GPM6A: variants seen among roughly 807,000 people sequenced by gnomAD.
GPM6A encodes the protein neuronal membrane glycoprotein M6-a.
In GPM6A, 7 loss-of-function variants were observed where a neutral mutation model predicts 32.1. The observed-to-expected ratio is 0.22, with a 90% CI of 0.12 to 0.41. The LOEUF is 0.41. Ranked by LOEUF, GPM6A falls within the 10% of genes least tolerant of loss-of-function variation. GPM6A has a pLI of 1.00. For missense variants in GPM6A, 235 were observed against 347.2 expected (o/e 0.68, Z 2.57); for synonymous variants, 130 against 123.4 (o/e 1.05, Z -0.35).
At chr4:175,936,679 T>C (rs1344208997) in intron 1 of GPM6A, among the ~76,000 whole-genome samples, 1 of 151,968 alleles carries the variant, frequency 6.6e-6, no homozygotes, top group African/African-American at 2.4e-5. Flanking sequence ...CCAGAAGCAA[T>C]ACTTTTTAAA....
chr4:175,667,903 C>T (rs1036146364), intron 3 of GPM6A, among the ~76,000 whole-genome samples: 1 of 151,758 alleles, frequency 6.6e-6, no homozygotes, highest in South Asian at 2.1e-4. Flanking sequence ...AAATGTTGAA[C>T]ATTTTGAGAA....
intron 1 of GPM6A, among the ~76,000 whole-genome samples, chr4:175,828,317 T>C (rs1209117470): frequency 6.6e-6 from 1 of 152,236 alleles, no homozygotes; most frequent in Non-Finnish European, 1.5e-5. Flanking sequence ...CGTGAGTTTT[T>C]CAAATTGTTA....
chr4:175,997,893 G>A (rs928351036), intron 1 of GPM6A, among the ~76,000 whole-genome samples: 1 of 152,026 alleles, frequency 6.6e-6, no homozygotes, highest in African/African-American at 2.4e-5. Context: ...TCTTATGTTG[G>A]GGCATTTAGT....
At chr4:175,767,003 C>T (rs79014599) in intron 1 of GPM6A, among the ~76,000 whole-genome samples, 90 of 152,068 alleles carry the variant, frequency 5.9e-4, no homozygotes, top group Middle Eastern at 3.4e-3. Context: ...TAAACTTTTT[C>T]GGCAGTTAAT....
intron 1 of GPM6A, among the ~76,000 whole-genome samples, chr4:175,951,123 T>A (rs1739797033): frequency 6.6e-6 from 1 of 152,092 alleles, no homozygotes; most frequent in Non-Finnish European, 1.5e-5. Flanking sequence ...ATACAACACG[T>A]CGATAAATAA....
chr4:175,950,440 A>T (rs911091185), intron 1 of GPM6A, among the ~76,000 whole-genome samples: 13 of 152,218 alleles, frequency 8.5e-5, no homozygotes, highest in African/African-American at 2.9e-4. Context: ...TGAAAATAAG[A>T]ATATAATACT....
chr4:175,833,677 T>C (rs1195779177), intron 1 of GPM6A, among the ~76,000 whole-genome samples: 1 of 152,174 alleles, frequency 6.6e-6, no homozygotes, highest in Non-Finnish European at 1.5e-5. Flanking sequence ...TTAAACAGTA[T>C]GCCCTGACAG....
intron 6 of GPM6A, among the ~76,000 whole-genome samples, chr4:175,637,619 T>A (rs796513508): frequency 1.7e-3 from 1 of 576 alleles, no homozygotes; most frequent in Non-Finnish European, 4.6e-3. Flanking sequence ...TAATATATAA[T>A]ATATATTATA....
intron 1 of GPM6A, among the ~76,000 whole-genome samples, chr4:175,849,360 A>G (rs1736182912): frequency 6.6e-6 from 1 of 152,214 alleles, no homozygotes; most frequent in Admixed American, 6.5e-5. Context: ...GAGAACATGG[A>G]TGCTCATCTA....
chr4:175,673,839 G>A lies in GPM6A; in HGVS notation c.231-3C>T. The A allele has an allele frequency of 6.3e-7, 1 of 1,579,538 alleles. No homozygotes were observed. The highest frequency in any genetic ancestry group is 8.7e-7 in the Non-Finnish European group (1 of 1,154,646). ...TCACATACTTAAAGATGTCAATCCT[G>A]AGAGAAAAGACAAAGTGATTTATTT... On this transcript the variant is annotated splice_region_variant and splice_polypyrimidine_tract_variant and intron_variant, in intron 2 of 6. Coordinates refer to ENST00000393658, the MANE Select transcript of GPM6A (RefSeq NM_201591.3).
rs570708655 is a variant in GPM6A, at chr4:175,843,165, A to G, written c.-22-30916T>C. The stretch of plus-strand genomic sequence containing the variant: ...GATCTATACCCATGAGCACAAGGAA[A>G]ATATTTGCTTGCCAAAAAGAAGAAG... On this transcript the variant is annotated intron_variant, in intron 1 of 7. Coordinates refer to the GPM6A transcript ENST00000280187. 3.3e-5 allele frequency among the ~76,000 whole-genome samples: 5 copies of G among 152,282 alleles called. No individual in the cohort carries two copies. In the South Asian group the frequency reaches 1.0e-3, roughly 32 times the overall value.
intron 1 of GPM6A, among the ~76,000 whole-genome samples, chr4:175,846,038 C>T (rs1736076165): frequency 6.6e-6 from 1 of 151,998 alleles, no homozygotes; most frequent in Non-Finnish European, 1.5e-5. Context: ...TATTAGTCAC[C>T]CTCAAGTTCA....
intron 1 of GPM6A, among the ~76,000 whole-genome samples, chr4:175,807,809 A>G (rs1399808458): frequency 6.6e-6 from 1 of 152,194 alleles, no homozygotes; most frequent in African/African-American, 2.4e-5. Flanking sequence ...GCAGGCAGCT[A>G]TGGCCATCTA....
At chr4:175,984,652 C>T (rs748599782) in intron 1 of GPM6A, among the ~76,000 whole-genome samples, 1 of 151,846 alleles carries the variant, frequency 6.6e-6, no homozygotes, top group Admixed American at 6.6e-5. Flanking sequence ...ACTACTTTTC[C>T]TCTATATTTT....
chr4:175,844,152 AAT>A (rs1463120296), intron 1 of GPM6A, among the ~76,000 whole-genome samples: 1 of 152,216 alleles, frequency 6.6e-6, no homozygotes, highest in Non-Finnish European at 1.5e-5. Flanking sequence ...TCACTATGGC[AAT>A]AGTCTTGATC....
At chr4:175,747,700 G>C (rs1732163785) in intron 1 of GPM6A, among the ~76,000 whole-genome samples, 1 of 152,206 alleles carries the variant, frequency 6.6e-6, no homozygotes, top group Admixed American at 6.5e-5. Context: ...GGAGGGGCTT[G>C]CTTAGACGTT....
chr4:175,891,687 G>A (rs913683540), intron 1 of GPM6A: 2 of 152,206 alleles, frequency 1.3e-5, no homozygotes, highest in African/African-American at 4.8e-5. Context: ...TATTCCTTGA[G>A]AAGCTGTAAG....
At chr4:175,688,674 G>A (rs892856367) in intron 2 of GPM6A, among the ~76,000 whole-genome samples, 6 of 152,182 alleles carry the variant, frequency 3.9e-5, no homozygotes, top group African/African-American at 1.4e-4. Flanking sequence ...ACAAAGAAAT[G>A]ATAAAAATTT....
At chr4:175,758,102 G>A (rs1732600736) in intron 1 of GPM6A, among the ~76,000 whole-genome samples, 1 of 152,158 alleles carries the variant, frequency 6.6e-6, no homozygotes, top group Non-Finnish European at 1.5e-5. Context: ...CACTTCCCCA[G>A]GGAGTGATCC....
Sources: allele counts gnomAD v4.1 joint callset (sites outside exome capture counted in the v4.1 genomes callset), GRCh38; gene constraint gnomAD v4.1.1; transcripts MANE v1.5; gene names NCBI Gene and HGNC (gene_info 2026-07-23, HGNC 2026-07-21).